The following HMGXB3 variants were observed in gnomAD, a reference collection of about 807,000 sequenced individuals.
The protein encoded by HMGXB3 is HMG domain-containing protein 3.
A neutral mutation model predicts 121.5 loss-of-function variants in HMGXB3; 45 were observed. The observed-to-expected ratio is 0.37, with a 90% CI of 0.29 to 0.47. The LOEUF (loss-of-function observed/expected upper bound fraction) is 0.47, where lower values mean the gene tolerates loss of function less well. Among genes scored for constraint, HMGXB3 ranks in the 20% least tolerant of loss-of-function variants. The pLI is 0.99. For missense variants in HMGXB3, 1,376 were observed against 1,602.2 expected, an observed-to-expected ratio of 0.86 and a Z score of 2.41; for synonymous variants, 590 against 624.1, an observed-to-expected ratio of 0.95 and a Z score of 0.81.
At chr5:150,002,250 GTTGT>G (rs905241264) in intron 1 of HMGXB3, among the ~76,000 whole-genome samples, 2 of 152,120 alleles carry the variant, frequency 1.3e-5, no homozygotes, top group Admixed American at 6.5e-5. Flanking sequence ...TGTTGTTGTA[GTTGT>G]TTGTTTTTTT....
chr5:150,007,815 G>A (rs1176775810), intron 3 of HMGXB3, among the ~76,000 whole-genome samples: 3 of 152,122 alleles, frequency 2.0e-5, no homozygotes, highest in Non-Finnish European at 4.4e-5. Context: ...AGCACTTTAG[G>A]AGGCTGAGGT....
intron 5 of HMGXB3, among the ~76,000 whole-genome samples, chr5:150,016,548 A>T (rs1481513196): frequency 6.6e-6 from 1 of 152,150 alleles, no homozygotes; most frequent in African/African-American, 2.4e-5. Flanking sequence ...TCTGAAATCT[A>T]CTTTGTCTAA....
At position 150,051,915 on chromosome 5, in the gene HMGXB3, C is replaced by T; in HGVS notation, c.3602C>T (p.Ala1201Val). ...CTGTGCCCTGAATTGGCACCTTACG[C>T]AACCATCCTGGCCTCCATCGTGGAC... is the stretch of plus-strand genomic sequence containing the variant. ...LALCPELAPY[A>V]TILASIVDSK... Residue 1201 changes from alanine (A) to valine (V), a missense_variant, in exon 20 of 20, where the codon GCA becomes GTA. By Grantham distance (64) the Ala-to-Val change is moderately conservative. Transcript: ENST00000502717. The T allele has an allele frequency of 6.4e-7, 1 of 1,552,146 alleles. No individual in the cohort carries two copies. The highest frequency in any genetic ancestry group is 8.7e-7 in the Non-Finnish European group (1 of 1,147,128).
rs1206874429 is a variant in HMGXB3 at position 150,001,148 on chromosome 5, A to G, written c.-34A>G. On this transcript the variant is annotated 5_prime_UTR_variant, in exon 1 of 20. An upstream start codon of the reference 5' UTR is lost. Transcript: ENST00000502717. The stretch of plus-strand genomic sequence containing the variant: ...GCCGCCGGGCCAAGCGCCTCCGGGA[A>G]TGTGAGCGGCGCAGCTTGCACGCTC... 6.5e-6 allele frequency: 1 copy of G among 153,334 alleles called. No individual in the cohort carries two copies. The highest frequency in any genetic ancestry group is 2.4e-5 in the African/African-American group (1 of 41,506). The allele number at this position is 153,334 out of a possible 1,614,324, so 9.5% of individuals were successfully genotyped here. A position where few individuals can be genotyped will look rare whatever the true frequency, so the allele number is the denominator to read the frequency against.
chr5:150,033,820 T>C (rs1434065678), intron 11 of HMGXB3, among the ~76,000 whole-genome samples: 1 of 152,064 alleles, frequency 6.6e-6, no homozygotes, highest in African/African-American at 2.4e-5. Flanking sequence ...GCCTTTTTGA[T>C]GATGAATCTC....
At chr5:150,035,274 A>T (rs1021732780) in intron 11 of HMGXB3, among the ~76,000 whole-genome samples, 6 of 152,150 alleles carry the variant, frequency 3.9e-5, no homozygotes, top group Admixed American at 3.3e-4. Flanking sequence ...AGGGCCTCAG[A>T]CTGCCTCCAC....
intron 1 of HMGXB3, among the ~76,000 whole-genome samples, chr5:150,002,995 T>C (rs1755614691): frequency 6.6e-6 from 1 of 151,990 alleles, no homozygotes. Context: ...ATTTAAAAAT[T>C]TGCCAGACTT....
rs535871073 is a variant in HMGXB3 at position 150,052,465 on chromosome 5, A to T, written c.*273A>T. On this transcript the variant is annotated 3_prime_UTR_variant, in exon 20 of 20. Coordinates refer to ENST00000502717, the MANE Select transcript of HMGXB3 (RefSeq NM_014983.3). ...GGTATGTTTAATGGAGGGGAGGCTG[A>T]GGGAAAGGCTCGTAGCTGGTGGGTT... 56 of 437,738 alleles carry T rather than the reference A, an allele frequency of 1.3e-4. No individual in the cohort carries two copies. The highest frequency in any genetic ancestry group is 1.1e-3 in the African/African-American group (54 of 51,196). 27.1% of individuals were successfully genotyped at this position (437,738 alleles called of 1,614,324 possible). A position where few individuals can be genotyped will look rare whatever the true frequency, so the allele number is the denominator to read the frequency against.
chr5:150,026,939 T>G (rs1756245504), intron 8 of HMGXB3, 58 bp downstream of exon 8: 31 of 1,519,774 alleles, frequency 2.0e-5, no homozygotes, highest in Non-Finnish European at 2.7e-5. Context: ...GGGACAGGAG[T>G]GGGGGGTTGA....
chr5:150,026,928 A>G, intron 8 of HMGXB3, 47 bp downstream of exon 8: 7 of 1,515,088 alleles, frequency 4.6e-6, no homozygotes, highest in Non-Finnish European at 6.2e-6. Context: ...CTGACAGGAA[A>G]GGGACAGGAG....
At chr5:150,051,665 C>T in intron 19 of HMGXB3, 60 bp from the exon 20 acceptor site, 2 of 1,325,830 alleles carry the variant, frequency 1.5e-6, no homozygotes, top group Non-Finnish European at 2.0e-6. Flanking sequence ...TTCTCGTCAC[C>T]AGATGGGTTC....
chr5:150,033,030 G>A (rs796433031), intron 11 of HMGXB3, among the ~76,000 whole-genome samples: 13 of 152,314 alleles, frequency 8.5e-5, no homozygotes, highest in African/African-American at 3.1e-4. Flanking sequence ...TCCTTGGAAA[G>A]CTTTTAGTTA....
chr5:150,039,460 T>C lies in HMGXB3; in HGVS notation c.2414-1288T>C, dbSNP rs1248963129. On this transcript the variant is annotated intron_variant, in intron 13 of 19. Transcript: ENST00000502717. ...TAATTAAGTTTGTCTGTTGACTTTG[T>C]TTTTGTAAATATTATAATTTTTTTA... Among the ~76,000 whole-genome samples the C allele has an allele frequency of 2.0e-5, 3 of 152,162 alleles. No individual in the cohort carries two copies. The South Asian group carries it at 6.2e-4, about 31-fold the overall frequency.
chr5:150,015,197 G>A (rs1396892899), intron 5 of HMGXB3: 2 of 267,060 alleles, frequency 7.5e-6, no homozygotes, highest in African/African-American at 4.5e-5. Context: ...ATGGTCACGT[G>A]TGTTCTTCAC....
chr5:150,040,539 C>G (rs1206466336), intron 13 of HMGXB3, among the ~76,000 whole-genome samples: 1 of 151,666 alleles, frequency 6.6e-6, no homozygotes, highest in Non-Finnish European at 1.5e-5. Context: ...ACAGGCCATA[C>G]CTGGCCTGTT....
chr5:150,016,116 A>C (rs1197894476), intron 5 of HMGXB3, among the ~76,000 whole-genome samples: 1 of 152,192 alleles, frequency 6.6e-6, no homozygotes, highest in Non-Finnish European at 1.5e-5. Flanking sequence ...AGACTGAGGC[A>C]GAAGGATTGC....
At chr5:150,051,657 C>G in intron 19 of HMGXB3, 68 bp from the exon 20 acceptor site, 2 of 1,265,894 alleles carry the variant, frequency 1.6e-6, no homozygotes, top group Non-Finnish European at 2.2e-6. Context: ...CTAGAGTGTT[C>G]TCGTCACCAG....
chr5:150,052,302 T>C lies in HMGXB3; in HGVS notation c.*110T>C. ...GAAGTGGTCTCCTGTGGGGAGGGCC[T>C]CTGACTGCTGGGACTGACCAAAGAG... On this transcript the variant is annotated 3_prime_UTR_variant, in exon 20 of 20. Transcript: ENST00000502717. 3 of 865,024 alleles carry C rather than the reference T, an allele frequency of 3.5e-6. No individual in the cohort carries two copies. The highest frequency in any genetic ancestry group is 5.3e-6 in the Non-Finnish European group (3 of 569,326). The allele number at this position is 865,024 out of a possible 1,614,324, so 53.6% of individuals were successfully genotyped here.
intron 15 of HMGXB3, among the ~76,000 whole-genome samples, chr5:150,044,915 G>A (rs1756722628): frequency 6.6e-6 from 1 of 152,152 alleles, no homozygotes; most frequent in Admixed American, 6.5e-5. Flanking sequence ...AGAGGAGATA[G>A]CTGTGTGCTG....
Sources: gnomAD v4.1 joint callset for allele counts (sites outside exome capture counted in the v4.1 genomes callset) on GRCh38, gnomAD v4.1.1 for gene constraint, MANE v1.5 for transcripts, NCBI Gene and HGNC (gene_info 2026-07-23, HGNC 2026-07-21) for gene names.